The following OTUD7A variants were observed in gnomAD, a reference collection of about 807,000 sequenced individuals.
OTUD7A encodes OTU deubiquitinase 7A, also known as OTU domain-containing protein 7A.
Under a neutral mutation model 65.7 loss-of-function variants are expected in OTUD7A, and 12 were observed. The ratio of observed to expected loss-of-function variants is 0.18; its 90% CI spans 0.12 to 0.30. The LOEUF is 0.30. Ranked by LOEUF, OTUD7A falls within the 10% of genes least tolerant of loss-of-function variation. The pLI is 1.00. For synonymous variants in OTUD7A, 641 were observed against 586.3 expected (o/e 1.09, Z -1.35); for missense variants, 1,148 against 1,304.8 (o/e 0.88, Z 1.85).
chr15:31,780,697 AAG>A (rs1263876404), intron 1 of OTUD7A, among the ~76,000 whole-genome samples: 1 of 152,238 alleles, frequency 6.6e-6, no homozygotes, highest in Admixed American at 6.5e-5. Context: ...AGAAGCAAGA[AAG>A]AGCTTCTCAA....
chr15:31,763,700 C>A (rs913086877), intron 1 of OTUD7A, among the ~76,000 whole-genome samples: 4 of 151,972 alleles, frequency 2.6e-5, no homozygotes, highest in African/African-American at 7.3e-5. Flanking sequence ...GAACCCCAAG[C>A]AAAAGAAAAT....
chr15:31,643,161 T>C (rs1315476941), intron 3 of OTUD7A, among the ~76,000 whole-genome samples: 1 of 120,540 alleles, frequency 8.3e-6, no homozygotes, highest in Non-Finnish European at 1.9e-5. Flanking sequence ...TTATTTTTTC[T>C]TTTTTAGAGA....
intron 4 of OTUD7A, among the ~76,000 whole-genome samples, chr15:31,566,036 C>CA: frequency 6.6e-6 from 1 of 151,828 alleles, no homozygotes; most frequent in East Asian, 1.9e-4. Flanking sequence ...ACTAAAAATA[C>CA]AAAAAATTAG....
rs972334442 is a variant in OTUD7A at position 31,479,585 on chromosome 15, T to G, written c.*3709A>C. 6.1e-5 allele frequency: 9 copies of G among 147,590 alleles called. No homozygotes were observed. Among genetic ancestry groups the G allele is most frequent in the African/African-American group, 2.2e-4 (9 of 40,166 alleles). The allele number at this position is 147,590 out of a possible 1,614,324, so 9.1% of individuals were successfully genotyped here. ...ACTGATAAGTACAGCCCTTTTATCTTAACCAATGGGAAGTATATTTTAAGT... is the reference window on the plus strand; with the variant it reads ...ACTGATAAGTACAGCCCTTTTATCTGAACCAATGGGAAGTATATTTTAAGT... On this transcript the variant is annotated 3_prime_UTR_variant, in exon 13 of 13. Coordinates refer to ENST00000307050, the MANE Select transcript of OTUD7A (RefSeq NM_001382637.1).
chr15:31,647,130 A>G lies in OTUD7A; in HGVS notation c.151+7966T>C, dbSNP rs141120211. 7.1e-3 allele frequency among the ~76,000 whole-genome samples: 1,078 copies of G among 152,308 alleles called. 13 individuals are homozygous for G. Among genetic ancestry groups the G allele is most frequent in the African/African-American group, 0.023 (965 of 41,556 alleles). ...AACGGGACACTTGGAAGGGCAGCCA[A>G]CGGTTTCCTTTCAGTATTTCTAGAC... On this transcript the variant is annotated intron_variant, in intron 3 of 12. Coordinates refer to ENST00000307050, the MANE Select transcript of OTUD7A (RefSeq NM_001382637.1).
intron 1 of OTUD7A, among the ~76,000 whole-genome samples, chr15:31,725,947 A>G (rs1893870748): frequency 6.6e-6 from 1 of 152,084 alleles, no homozygotes; most frequent in Non-Finnish European, 1.5e-5. Flanking sequence ...ATCTAACTTA[A>G]ACTAATTGAA....
intron 1 of OTUD7A, among the ~76,000 whole-genome samples, chr15:31,720,654 C>G (rs1045908679): frequency 1.1e-4 from 16 of 152,220 alleles, no homozygotes; most frequent in African/African-American, 2.2e-4. Context: ...CCCGCCTCAG[C>G]CTCCCAAAAT....
chr15:31,514,886 T>C (rs2041819172), intron 8 of OTUD7A, among the ~76,000 whole-genome samples: 1 of 152,348 alleles, frequency 6.6e-6, no homozygotes, highest in African/African-American at 2.4e-5. Flanking sequence ...CACACACATA[T>C]ATTTTATGCC....
intron 1 of OTUD7A, among the ~76,000 whole-genome samples, chr15:31,750,516 T>C (rs1894604907): frequency 1.3e-5 from 2 of 150,878 alleles, no homozygotes; most frequent in Admixed American, 1.3e-4. Context: ...AATCCAAAAT[T>C]TACATGACAT....
chr15:31,611,733 G>T (rs191786822), intron 3 of OTUD7A, among the ~76,000 whole-genome samples: 1 of 151,952 alleles, frequency 6.6e-6, no homozygotes, highest in African/African-American at 2.4e-5. Context: ...ACAAAGAATT[G>T]GTACCAATTC....
At chr15:31,637,718 G>A (rs1891385384) in intron 3 of OTUD7A, among the ~76,000 whole-genome samples, 1 of 152,218 alleles carries the variant, frequency 6.6e-6, no homozygotes, top group Non-Finnish European at 1.5e-5. Flanking sequence ...AACATTAACA[G>A]GAGTTTGTAA....
chr15:31,543,391 A>ATTGAATGG (rs1353418203), intron 5 of OTUD7A, among the ~76,000 whole-genome samples: 8 of 151,912 alleles, frequency 5.3e-5, no homozygotes, highest in African/African-American at 1.9e-4. Flanking sequence ...TAAACACCAC[A>ATTGAATGG]TTGAATGGGG....
chr15:31,708,150 A>G (rs1468730942), intron 1 of OTUD7A, among the ~76,000 whole-genome samples: 3 of 151,784 alleles, frequency 2.0e-5, no homozygotes, highest in African/African-American at 7.3e-5. Context: ...ACAAGCAGTC[A>G]AGCAAATGTG....
At chr15:31,659,760 G>T (rs1479499752) in intron 1 of OTUD7A, among the ~76,000 whole-genome samples, 3 of 152,240 alleles carry the variant, frequency 2.0e-5, no homozygotes. Flanking sequence ...CCACGGGAAG[G>T]GGCACACAAG....
intron 1 of OTUD7A, among the ~76,000 whole-genome samples, chr15:31,821,128 CATTT>C (rs1233585195): frequency 7.6e-6 from 1 of 131,900 alleles, no homozygotes; most frequent in Non-Finnish European, 1.6e-5. Flanking sequence ...ATCAGTTTTT[CATTT>C]CTTTTTTTTT....
intron 1 of OTUD7A, among the ~76,000 whole-genome samples, chr15:31,695,330 T>G (rs1056526832): frequency 5.7e-5 from 8 of 139,550 alleles, no homozygotes; most frequent in Middle Eastern, 7.0e-3. Context: ...TCTAGTTTTA[T>G]TTTACTGAGG....
At chr15:31,588,680 G>A (rs1217440484) in intron 3 of OTUD7A, among the ~76,000 whole-genome samples, 1 of 152,208 alleles carries the variant, frequency 6.6e-6, no homozygotes, top group East Asian at 1.9e-4. Context: ...AGTCCAGGGT[G>A]GAGTCCAGGC....
At position 31,511,044 on chromosome 15, in the gene OTUD7A, GTATATCTATATGTAACATACATA is replaced by G. The variant is rs1566892716; in HGVS notation, c.894-7249_894-7227del. ...ATGTATATCTATATGTAACATACAT[GTATATCTATATGTAACATACATA>G]TATATGTATATCTATATGTAACATA... On this transcript the variant is annotated intron_variant, in intron 8 of 12. Transcript: ENST00000307050. 4.2e-4 allele frequency among the ~76,000 whole-genome samples: 33 copies of G among 79,316 alleles called. 12 individuals carry two copies. The highest frequency in any genetic ancestry group is 7.4e-4 in the South Asian group (2 of 2,692). The allele number at this position is 79,316 out of a possible 152,430, so 52.0% of individuals were successfully genotyped here. A position where few individuals can be genotyped will look rare whatever the true frequency, so the allele number is the denominator to read the frequency against.
chr15:31,815,846 T>C (rs1896535437), intron 1 of OTUD7A, among the ~76,000 whole-genome samples: 7 of 152,192 alleles, frequency 4.6e-5, no homozygotes, highest in Admixed American at 4.6e-4. Flanking sequence ...TGAGGAACAC[T>C]CTCTCACAAG....
Sources: gnomAD v4.1 joint callset for allele counts (sites outside exome capture counted in the v4.1 genomes callset) on GRCh38, gnomAD v4.1.1 for gene constraint, MANE v1.5 for transcripts, NCBI Gene and HGNC (gene_info 2026-07-23, HGNC 2026-07-21) for gene names.